SGPL1: variants seen among roughly 807,000 people sequenced by gnomAD.
SGPL1 encodes SP-lyase 1.
In SGPL1, 37 loss-of-function variants were observed where a neutral mutation model predicts 68.9. The observed-to-expected ratio is 0.54, with a 90% CI of 0.41 to 0.71. The LOEUF is 0.71. Ranked by LOEUF, SGPL1 falls within the 30% of genes least tolerant of loss-of-function variation. SGPL1 has a pLI of 0.00. For synonymous variants in SGPL1, 236 were observed against 248.5 expected (o/e 0.95, Z 0.47); for missense variants, 551 against 704.6 (o/e 0.78, Z 2.47).
At chr10:70,865,827 G>T (rs1031664305) in intron 7 of SGPL1, among the ~76,000 whole-genome samples, 1 of 152,172 alleles carries the variant, frequency 6.6e-6, no homozygotes, top group East Asian at 1.9e-4. Flanking sequence ...TTCTTGGCTT[G>T]TGCTAATGTT....
intron 7 of SGPL1, 67 bp downstream of exon 7, chr10:70,859,566 ATAT>A (rs756424347): frequency 1.3e-6 from 1 of 768,234 alleles, no homozygotes; most frequent in Admixed American, 4.8e-5. Context: ...TTTTTAATAA[ATAT>A]TAATTATATT....
intron 3 of SGPL1, among the ~76,000 whole-genome samples, chr10:70,847,310 G>C (rs1453241689): frequency 1.3e-5 from 2 of 151,988 alleles, no homozygotes; most frequent in Non-Finnish European, 2.9e-5. Flanking sequence ...TATCACGCCT[G>C]CCTAATTTTT....
intron 2 of SGPL1, among the ~76,000 whole-genome samples, chr10:70,823,142 C>T (rs952093689): frequency 2.0e-5 from 3 of 151,908 alleles, no homozygotes; most frequent in Non-Finnish European, 4.4e-5. Flanking sequence ...GTGTGTGTGT[C>T]TCTCCCTTTC....
intron 2 of SGPL1, among the ~76,000 whole-genome samples, chr10:70,820,787 T>C (rs1436878365): frequency 6.6e-6 from 1 of 151,960 alleles, no homozygotes; most frequent in Non-Finnish European, 1.5e-5. Flanking sequence ...AAAAAAAAAT[T>C]TGTGTTTTAT....
intron 8 of SGPL1, chr10:70,869,202 A>G (rs1177091388): frequency 1.3e-5 from 2 of 152,306 alleles, no homozygotes; most frequent in East Asian, 3.8e-4. Flanking sequence ...TGAATGGAGT[A>G]GTTGAGGAAA....
chr10:70,854,693 T>TA lies in SGPL1; in HGVS notation c.262-15_262-14insA. The TA allele has an allele frequency of 6.2e-7, 1 of 1,600,360 alleles. No homozygotes were observed. The highest frequency in any genetic ancestry group is 1.3e-5 in the African/African-American group (1 of 74,592). On this transcript the variant is annotated splice_polypyrimidine_tract_variant and intron_variant, in intron 4 of 14. Transcript: ENST00000373202. ...CTCTTGCATCTGGATAACTTTGTCT[T>TA]TCTTACCTTTGGAGATTCAAGACAA... is the stretch of plus-strand genomic sequence containing the variant.
chr10:70,856,599 C>T (rs1845967326), intron 5 of SGPL1, among the ~76,000 whole-genome samples: 1 of 152,182 alleles, frequency 6.6e-6, no homozygotes, highest in Non-Finnish European at 1.5e-5. Context: ...TAGTACAGAG[C>T]AGTGTCCTCT....
chr10:70,855,567 T>C (rs1845951124), intron 5 of SGPL1, among the ~76,000 whole-genome samples: 1 of 152,220 alleles, frequency 6.6e-6, no homozygotes, highest in South Asian at 2.1e-4. Flanking sequence ...AAAAGATGAT[T>C]ATGGGGATTA....
At chr10:70,854,911 A>C in intron 5 of SGPL1, 56 bp downstream of exon 5, 1 of 1,447,318 alleles carries the variant, frequency 6.9e-7, no homozygotes, top group Non-Finnish European at 9.2e-7. Context: ...AGGTTTTGTC[A>C]TTGTTTAATG....
At chr10:70,845,351 A>G (rs1845775135) in intron 3 of SGPL1, among the ~76,000 whole-genome samples, 1 of 152,138 alleles carries the variant, frequency 6.6e-6, no homozygotes, top group Non-Finnish European at 1.5e-5. Context: ...TTGGAACAGC[A>G]CTTACATGGT....
At chr10:70,856,342 G>C (rs1179772748) in intron 5 of SGPL1, among the ~76,000 whole-genome samples, 1 of 152,146 alleles carries the variant, frequency 6.6e-6, no homozygotes, top group African/African-American at 2.4e-5. Flanking sequence ...TTGAGGTCTT[G>C]ACATTGAATA....
intron 3 of SGPL1, among the ~76,000 whole-genome samples, chr10:70,844,970 C>G (rs1294191237): frequency 6.6e-6 from 1 of 152,076 alleles, no homozygotes; most frequent in Non-Finnish European, 1.5e-5. Context: ...GATCTCTTGA[C>G]CTCGTGATCC....
At position 70,854,796 on chromosome 10, in the gene SGPL1, C is replaced by G; in HGVS notation, c.350C>G (p.Pro117Arg). The G allele has an allele frequency of 6.2e-7, 1 of 1,613,878 alleles. No individual in the cohort carries two copies. The highest frequency in any genetic ancestry group is 8.5e-7 in the Non-Finnish European group (1 of 1,179,884). Residue 117 changes from proline to arginine, a missense_variant, in exon 5 of 15, where the codon CCC (proline) becomes CGC (arginine). By Grantham distance (103) the Pro-to-Arg change is moderately radical (BLOSUM62 -2). Transcript: ENST00000373202. Reference sequence around the variant, plus strand: ...GACAAAGAGTATGTGAAAGCTTTACCCTCCCAGGGTCTGAGCTCATCTGCT... The same window carrying G: ...GACAAAGAGTATGTGAAAGCTTTACGCTCCCAGGGTCTGAGCTCATCTGCT... The part of the protein sequence containing the change: ...KVDKEYVKAL[P>R]SQGLSSSAVL...
chr10:70,854,076 C>T (rs1845925670), intron 4 of SGPL1, among the ~76,000 whole-genome samples: 1 of 152,182 alleles, frequency 6.6e-6, no homozygotes, highest in Non-Finnish European at 1.5e-5. Flanking sequence ...AAATACTGCC[C>T]TCAAGGATGT....
At chr10:70,834,874 G>T (rs939309441) in intron 2 of SGPL1, among the ~76,000 whole-genome samples, 4 of 152,162 alleles carry the variant, frequency 2.6e-5, no homozygotes, top group Admixed American at 2.0e-4. Flanking sequence ...TCCTGGCTCC[G>T]CTATTTCCGA....
chr10:70,823,563 G>T (rs1210762260), intron 2 of SGPL1, among the ~76,000 whole-genome samples: 1 of 83,456 alleles, frequency 1.2e-5, no homozygotes. Context: ...ACTTTATATT[G>T]AAAAAAAAAA....
chr10:70,870,988 CAGAAG>C, intron 9 of SGPL1, 55 bp from the exon 10 acceptor site: 1 of 1,451,924 alleles, frequency 6.9e-7, no homozygotes, highest in Admixed American at 1.7e-5. Context: ...CTCTTGGCAG[CAGAAG>C]AGAAGAGTAA....
rs376221987 is a variant in SGPL1 at position 70,861,723 on chromosome 10, G to A, written c.615+2224G>A. On this transcript the variant is annotated intron_variant, in intron 7 of 14. Transcript: ENST00000373202. ...TTCCCGGTGAGCATGGGCTTGGCGG[G>A]CCCCGCACTCGGAGCAGCCGGCCGG... Among the ~76,000 whole-genome samples the A allele has an allele frequency of 2.7e-4, 41 of 152,346 alleles. 1 individual carries two copies. The highest frequency in any genetic ancestry group is 2.1e-3 in the East Asian group (11 of 5,184).
intron 7 of SGPL1, among the ~76,000 whole-genome samples, chr10:70,862,526 A>G (rs1846089604): frequency 1.3e-5 from 2 of 152,118 alleles, no homozygotes; most frequent in African/African-American, 4.8e-5. Context: ...ACACTGTGGA[A>G]GCTTTGTTCT....
Sources: allele counts gnomAD v4.1 joint callset (sites outside exome capture counted in the v4.1 genomes callset), GRCh38; gene constraint gnomAD v4.1.1; transcripts MANE v1.5; gene names NCBI Gene and HGNC (gene_info 2026-07-23, HGNC 2026-07-21).